Variants in SRGAP2C observed in about 807,000 individuals in gnomAD.
SRGAP2C encodes SLIT-ROBO Rho GTPase-activating protein 2C.
SRGAP2C carries 15 observed loss-of-function variants against 25.1 expected under a neutral mutation model. That is an observed-to-expected ratio of 0.60 (90% CI 0.40 to 0.92). The LOEUF (loss-of-function observed/expected upper bound fraction) is 0.92. SRGAP2C is among the 40% of genes least tolerant of loss of function. The pLI is 0.00. For synonymous variants in SRGAP2C, 44 were observed against 96.6 expected, an observed-to-expected ratio of 0.46 and a Z score of 3.19; for missense variants, 144 against 264.4, an observed-to-expected ratio of 0.54 and a Z score of 3.16.
intron 2 of SRGAP2C, among the ~76,000 whole-genome samples, chr1:121,270,863 G>C (rs587663974): frequency 6.7e-6 from 1 of 149,600 alleles, no homozygotes; most frequent in East Asian, 1.9e-4. Context: ...TGCCATCTCA[G>C]CTCACTGCAA....
intron 4 of SRGAP2C, among the ~76,000 whole-genome samples, chr1:121,347,673 G>C (rs1348156357): frequency 6.6e-6 from 1 of 152,240 alleles, no homozygotes; most frequent in Non-Finnish European, 1.5e-5. Flanking sequence ...CCATCTACAA[G>C]CTAGAAGGAC....
chr1:121,349,140 A>AG (rs1558123774), intron 4 of SRGAP2C, among the ~76,000 whole-genome samples: 2 of 150,558 alleles, frequency 1.3e-5, no homozygotes, highest in South Asian at 4.3e-4. Flanking sequence ...TGAGAGCACT[A>AG]GGGAACGATG....
intron 3 of SRGAP2C, among the ~76,000 whole-genome samples, chr1:121,289,367 C>T (rs1317688067): frequency 1.3e-5 from 2 of 151,712 alleles, no homozygotes; most frequent in Admixed American, 6.6e-5. Flanking sequence ...CCCCCATTGC[C>T]CGGGGCCAGC....
At chr1:121,190,988 G>T (rs1373589559) in intron 2 of SRGAP2C, among the ~76,000 whole-genome samples, 2 of 150,710 alleles carry the variant, frequency 1.3e-5, no homozygotes, top group Non-Finnish European at 3.0e-5. Flanking sequence ...TTTATGAGGG[G>T]TGTGCCTCCT....
intron 2 of SRGAP2C, among the ~76,000 whole-genome samples, chr1:121,239,388 T>C (rs1656069535): frequency 3.2e-5 from 2 of 62,224 alleles, no homozygotes; most frequent in South Asian, 1.1e-3. Context: ...TGTTTGGGCA[T>C]TGGGATGGGT....
intron 4 of SRGAP2C, among the ~76,000 whole-genome samples, chr1:121,341,447 G>A (rs1425249269): frequency 7.5e-6 from 1 of 133,568 alleles, no homozygotes; most frequent in Non-Finnish European, 1.6e-5. Flanking sequence ...AAAGAGGATG[G>A]GGTACAAGGG....
At chr1:121,315,002 C>G in intron 3 of SRGAP2C, 2 of 1,054,228 alleles carry the variant, frequency 1.9e-6, no homozygotes, top group East Asian at 3.1e-5. Flanking sequence ...TATCCTCAGT[C>G]TTGTCAACAG....
chr1:121,346,587 A>T lies in SRGAP2C; in HGVS notation c.424-18706A>T, dbSNP rs1271944340. 6.6e-5 allele frequency among the ~76,000 whole-genome samples: 10 copies of T among 152,040 alleles called. No homozygotes were observed. The East Asian group carries it at 1.9e-3, about 30-fold the overall frequency. On this transcript the variant is annotated intron_variant, in intron 4 of 9. Transcript: ENST00000367123. ...TGACCCCAGGTCAATGGCCTACTTG[A>T]CCTAGGCGAGAGAAGAAAGAGTTAA...
intron 2 of SRGAP2C, among the ~76,000 whole-genome samples, chr1:121,263,503 T>A (rs1369366611): frequency 2.0e-5 from 3 of 151,718 alleles, no homozygotes; most frequent in Non-Finnish European, 4.4e-5. Flanking sequence ...TACATTATCA[T>A]TGATTTTTAA....
At chr1:121,268,256 A>T (rs1171875454) in intron 2 of SRGAP2C, among the ~76,000 whole-genome samples, 1 of 151,164 alleles carries the variant, frequency 6.6e-6, no homozygotes, top group African/African-American at 2.4e-5. Flanking sequence ...GAAGTGAGAG[A>T]GCTAACCACG....
intron 2 of SRGAP2C, among the ~76,000 whole-genome samples, chr1:121,228,229 G>C (rs1655729525): frequency 1.5e-5 from 2 of 132,638 alleles, no homozygotes; most frequent in South Asian, 4.7e-4. Flanking sequence ...GACTAGGCCA[G>C]GTATGGAGCA....
chr1:121,270,038 G>C (rs1258429077), intron 2 of SRGAP2C, among the ~76,000 whole-genome samples: 13 of 148,066 alleles, frequency 8.8e-5, no homozygotes, highest in African/African-American at 3.2e-4. Context: ...GGTGCCATAT[G>C]TAGCCACTTG....
Position 121,280,409 on chromosome 1 carries a change from G to T in SRGAP2C, c.68-4394G>T, listed in dbSNP as rs1230588840. Among the ~76,000 whole-genome samples the T allele has an allele frequency of 5.3e-5, 8 of 151,654 alleles. No individual in the cohort carries two copies. The South Asian group carries it at 1.5e-3, about 28-fold the overall frequency. ...ATTACCACAGCTTTGTTATAATAAAGAATATTTAAAGCAGAAACAATAAGA... is the reference window on the plus strand; with the variant it reads ...ATTACCACAGCTTTGTTATAATAAATAATATTTAAAGCAGAAACAATAAGA... On this transcript the variant is annotated intron_variant, in intron 2 of 9. Transcript: ENST00000367123.
intron 4 of SRGAP2C, among the ~76,000 whole-genome samples, chr1:121,359,477 A>G (rs1553348113): frequency 6.6e-6 from 1 of 151,842 alleles, no homozygotes; most frequent in African/African-American, 2.4e-5. Flanking sequence ...TCCATATCTG[A>G]AAACAATTTT....
intron 2 of SRGAP2C, among the ~76,000 whole-genome samples, chr1:121,243,790 T>TG: frequency 7.7e-6 from 1 of 130,570 alleles, no homozygotes; most frequent in Admixed American, 7.5e-5. Flanking sequence ...TTGTTTTTTT[T>TG]TTTTTTTGAA....
intron 3 of SRGAP2C, among the ~76,000 whole-genome samples, chr1:121,321,978 C>T (rs1457867932): frequency 4.7e-5 from 7 of 150,486 alleles, no homozygotes; most frequent in African/African-American, 9.8e-5. Context: ...CTTTCTTTGT[C>T]TCCCTTACTA....
At chr1:121,365,076 C>G (rs782029880) in intron 4 of SRGAP2C, among the ~76,000 whole-genome samples, 1 of 84,822 alleles carries the variant, frequency 1.2e-5, no homozygotes, top group Admixed American at 1.3e-4. Flanking sequence ...TTTCCCTCTA[C>G]GCAATTGCCT....
At chr1:121,355,278 C>T (rs1659037329) in intron 4 of SRGAP2C, among the ~76,000 whole-genome samples, 1 of 146,932 alleles carries the variant, frequency 6.8e-6, no homozygotes, top group East Asian at 2.0e-4. Flanking sequence ...GGATACTGCG[C>T]CTGACAACTG....
rs1345570143 is a variant in SRGAP2C, at chr1:121,367,289, C to CAG, written c.486+1938_486+1939dup. 1.4e-4 allele frequency among the ~76,000 whole-genome samples: 21 copies of CAG among 150,824 alleles called. No individual in the cohort carries two copies. The East Asian group carries it at 2.4e-3, about 17-fold the overall frequency. Reference sequence around the variant, plus strand: ...AAAGAGTAGAGGCACTAGGAAGTTTCAGAGAAGTCAAAACATTCTGGTCCA... The same window carrying CAG: ...AAAGAGTAGAGGCACTAGGAAGTTTCAGAGAGAAGTCAAAACATTCTGGTCCA... On this transcript the variant is annotated intron_variant, in intron 5 of 9. Transcript: ENST00000367123.
Sources: allele counts gnomAD v4.1 joint callset (sites outside exome capture counted in the v4.1 genomes callset), GRCh38; gene constraint gnomAD v4.1.1; transcripts MANE v1.5; gene names NCBI Gene and HGNC (gene_info 2026-07-23, HGNC 2026-07-21).